CENPP: variants seen among roughly 807,000 people sequenced by gnomAD.
CENPP encodes centromere protein P.
CENPP carries 24 observed loss-of-function variants against 35.6 expected under a neutral mutation model. The ratio of observed to expected loss-of-function variants is 0.67; its 90% CI spans 0.49 to 0.95. CENPP has a LOEUF of 0.95. CENPP is among the 40% of genes least tolerant of loss of function. CENPP has a pLI of 0.00. For synonymous variants in CENPP, 120 were observed against 125.5 expected, an observed-to-expected ratio of 0.96 and a Z score of 0.29; for missense variants, 332 against 345.3, an observed-to-expected ratio of 0.96 and a Z score of 0.31.
In CENPP at chr9:92,500,859, C is replaced by T. The variant is rs570789332; in HGVS notation, c.565-110455C>T. ...ATGATATGCCCCATAGAAGGAGACA[C>T]GGTCCATGCCATCATCAGCAAGTTT... On this transcript the variant is annotated intron_variant, in intron 5 of 7. Coordinates refer to ENST00000375587, the MANE Select transcript of CENPP (RefSeq NM_001012267.3). 3.8e-5 allele frequency: 61 copies of T among 1,614,128 alleles called. No individual in the cohort carries two copies. In the Admixed American group the frequency reaches 4.2e-4, roughly 11 times the overall value.
At chr9:92,432,385 G>T (rs999497314) in intron 5 of CENPP, among the ~76,000 whole-genome samples, 1 of 152,022 alleles carries the variant, frequency 6.6e-6, no homozygotes, top group Non-Finnish European at 1.5e-5. Flanking sequence ...GCTTTTAAGG[G>T]ACTAGCTCTT....
chr9:92,416,978 C>G (rs750007022), intron 5 of CENPP: 1 of 1,613,942 alleles, frequency 6.2e-7, no homozygotes, highest in Non-Finnish European at 8.5e-7. Flanking sequence ...ATAATTATAA[C>G]AGAGATCAAG....
chr9:92,533,294 G>A (rs1261102726), intron 5 of CENPP, among the ~76,000 whole-genome samples: 3 of 81,360 alleles, frequency 3.7e-5, no homozygotes, highest in South Asian at 5.2e-4. Context: ...AGTGAGACTC[G>A]GTCTCAAACA....
At chr9:92,539,929 G>A (rs1849278870) in intron 5 of CENPP, among the ~76,000 whole-genome samples, 1 of 151,952 alleles carries the variant, frequency 6.6e-6, no homozygotes, top group Admixed American at 6.5e-5. Flanking sequence ...GCATTTCCAG[G>A]TTGCTTTCCA....
intron 5 of CENPP, chr9:92,600,434 T>C (rs1850880870): frequency 6.2e-7 from 1 of 1,612,694 alleles, no homozygotes; most frequent in East Asian, 2.2e-5. Context: ...CCCAAGTCTG[T>C]ACAAACAAGA....
chr9:92,570,229 C>G (rs1028138205), intron 5 of CENPP, among the ~76,000 whole-genome samples: 2 of 151,956 alleles, frequency 1.3e-5, no homozygotes, highest in Non-Finnish European at 2.9e-5. Context: ...ATAGATAGCT[C>G]TTATTATTTT....
intron 5 of CENPP, among the ~76,000 whole-genome samples, chr9:92,562,778 A>G (rs1849879214): frequency 6.6e-6 from 1 of 152,194 alleles, no homozygotes. Context: ...ATGGCTGTAA[A>G]CCAGAGTGAC....
In CENPP at chr9:92,568,069, T is replaced by C. The variant is rs191395552; in HGVS notation, c.565-43245T>C. On this transcript the variant is annotated intron_variant, in intron 5 of 7. Transcript: ENST00000375587. ...AAGACAAGATTAGCAGAATGTATTT[T>C]TCTTCTTTTTTTTATTATACTTTAA... is the stretch of plus-strand genomic sequence containing the variant. Among the ~76,000 whole-genome samples, 87 of 152,240 alleles carry C rather than the reference T, an allele frequency of 5.7e-4. 1 individual carries two copies. The highest frequency in any genetic ancestry group is 8.1e-4 in the Non-Finnish European group (55 of 68,000).
chr9:92,581,268 T>C (rs1000004894), intron 5 of CENPP, among the ~76,000 whole-genome samples: 9 of 152,148 alleles, frequency 5.9e-5, no homozygotes, highest in African/African-American at 2.2e-4. Flanking sequence ...TTCTGGGGTG[T>C]TGGCAAGATT....
chr9:92,601,074 C>A (rs779600153), intron 5 of CENPP, among the ~76,000 whole-genome samples: 2 of 152,110 alleles, frequency 1.3e-5, no homozygotes, highest in African/African-American at 4.8e-5. Context: ...TTTGCGTGTC[C>A]GAGCCTCAGG....
intron 2 of CENPP, 58 bp from the exon 3 acceptor site, chr9:92,337,483 T>C: frequency 1.1e-6 from 1 of 951,260 alleles, no homozygotes; most frequent in South Asian, 1.3e-5. Context: ...AATTAAATAA[T>C]ACACATTTGA....
intron 5 of CENPP, among the ~76,000 whole-genome samples, chr9:92,591,803 G>C (rs1028095166): frequency 6.6e-6 from 1 of 152,104 alleles, no homozygotes; most frequent in Non-Finnish European, 1.5e-5. Flanking sequence ...CAAAGTGGAA[G>C]GGTAACAGCA....
intron 5 of CENPP, among the ~76,000 whole-genome samples, chr9:92,396,843 A>T (rs923580540): frequency 2.0e-5 from 3 of 152,074 alleles, no homozygotes; most frequent in Non-Finnish European, 4.4e-5. Flanking sequence ...AACATCTTTT[A>T]TATCTATTTC....
chr9:92,396,202 T>C (rs1364184144), intron 5 of CENPP, among the ~76,000 whole-genome samples: 5 of 152,246 alleles, frequency 3.3e-5, no homozygotes, highest in African/African-American at 1.2e-4. Flanking sequence ...GGATTTTATT[T>C]TGTTCTGGTG....
At chr9:92,417,980 G>A (rs1311876434) in intron 5 of CENPP, among the ~76,000 whole-genome samples, 11 of 152,010 alleles carry the variant, frequency 7.2e-5, no homozygotes, top group African/African-American at 2.4e-4. Flanking sequence ...CTCTGGCCTC[G>A]GCCTCCCAAA....
At chr9:92,451,123 G>A (rs2131021704) in intron 5 of CENPP, among the ~76,000 whole-genome samples, 1 of 148,898 alleles carries the variant, frequency 6.7e-6, no homozygotes, top group African/African-American at 2.5e-5. Context: ...TGTCAATTTT[G>A]TCTTTTGTTG....
chr9:92,358,183 A>T (rs1841643981), intron 4 of CENPP, among the ~76,000 whole-genome samples: 2 of 148,688 alleles, frequency 1.3e-5, no homozygotes, highest in African/African-American at 5.0e-5. Flanking sequence ...TGAGACTCCT[A>T]CAGTGCAGAA....
intron 5 of CENPP, among the ~76,000 whole-genome samples, chr9:92,562,009 CCA>C (rs1437552798): frequency 2.6e-5 from 4 of 152,114 alleles, no homozygotes; most frequent in Non-Finnish European, 2.9e-5. Flanking sequence ...CTTCATTCCT[CCA>C]CAACAGACAC....
intron 5 of CENPP, among the ~76,000 whole-genome samples, chr9:92,483,063 T>C (rs1310575230): frequency 6.6e-6 from 1 of 152,152 alleles, no homozygotes; most frequent in Non-Finnish European, 1.5e-5. Flanking sequence ...CATACAACTT[T>C]CCCTTTTCAA....
Sources: gnomAD v4.1 joint callset for allele counts (sites outside exome capture counted in the v4.1 genomes callset) on GRCh38, gnomAD v4.1.1 for gene constraint, MANE v1.5 for transcripts, NCBI Gene and HGNC (gene_info 2026-07-23, HGNC 2026-07-21) for gene names.